Variants in PRKCE observed in about 807,000 individuals in gnomAD.
The protein encoded by PRKCE is protein kinase C epsilon type.
A neutral mutation model predicts 85.4 loss-of-function variants in PRKCE; 16 were observed. The ratio of observed to expected loss-of-function variants is 0.19; its 90% CI spans 0.13 to 0.28. PRKCE has a LOEUF of 0.28. PRKCE is among the 10% of genes least tolerant of loss of function. The pLI, the probability that PRKCE is intolerant of heterozygous loss-of-function variation, is 1.00. For missense variants in PRKCE, 573 were observed against 975.2 expected, an observed-to-expected ratio of 0.59 and a Z score of 5.49; for synonymous variants, 388 against 371.5, an observed-to-expected ratio of 1.04 and a Z score of -0.51.
chr2:45,798,910 A>G (rs867036637), intron 1 of PRKCE, among the ~76,000 whole-genome samples: 5 of 152,152 alleles, frequency 3.3e-5, no homozygotes, highest in South Asian at 2.1e-4. Context: ...GCTCACGCCT[A>G]TAATCCCAGC....
At chr2:45,806,100 A>T (rs1036176044) in intron 1 of PRKCE, among the ~76,000 whole-genome samples, 21 of 152,118 alleles carry the variant, frequency 1.4e-4, no homozygotes, top group African/African-American at 5.1e-4. Flanking sequence ...GTTGCCTGGG[A>T]TATTGGAGGA....
intron 10 of PRKCE, 148 bp downstream of exon 10, chr2:46,010,665 A>G (rs1182843760): frequency 6.3e-7 from 1 of 1,598,904 alleles, no homozygotes; most frequent in Admixed American, 1.7e-5. Context: ...ATGTATTTGA[A>G]CAGCATCTTC....
At chr2:46,172,528 G>A (rs1430622545) in intron 14 of PRKCE, among the ~76,000 whole-genome samples, 2 of 152,242 alleles carry the variant, frequency 1.3e-5, no homozygotes, top group African/African-American at 2.4e-5. Flanking sequence ...GGTTTGAGGA[G>A]CAGGAATAAG....
Position 46,145,062 on chromosome 2 carries a change from A to G in PRKCE, c.1593-31A>G. ...AAGACTATATTGGGGTGAGTGACGT[A>G]TTGACATTATGGTCCTGGCCTATCT... On this transcript the variant is annotated intron_variant, in intron 11 of 14. Transcript: ENST00000306156. This position sits in a 1 kb window ranked among gnomAD's most constrained non-coding sequence, Gnocchi z 4.6. The G allele has an allele frequency of 6.3e-7, 1 of 1,599,512 alleles. No homozygotes were observed. The highest frequency in any genetic ancestry group is 1.1e-5 in the South Asian group (1 of 91,076).
intron 11 of PRKCE, among the ~76,000 whole-genome samples, chr2:46,121,993 A>G (rs1445096552): frequency 1.3e-5 from 2 of 150,640 alleles, no homozygotes; most frequent in African/African-American, 4.9e-5. Flanking sequence ...CTTTTTTCCC[A>G]TTGAGATATA....
intron 1 of PRKCE, among the ~76,000 whole-genome samples, chr2:45,673,736 A>G (rs1676285757): frequency 6.6e-6 from 1 of 152,260 alleles, no homozygotes; most frequent in Non-Finnish European, 1.5e-5. Context: ...TTTGTAGAGT[A>G]TATGAAAATA....
chr2:45,955,406 A>G (rs566366114), intron 2 of PRKCE, among the ~76,000 whole-genome samples: 5 of 152,358 alleles, frequency 3.3e-5, no homozygotes, highest in African/African-American at 1.2e-4. Context: ...GGCCCGTAGC[A>G]TAAAAGTAGA....
intron 2 of PRKCE, among the ~76,000 whole-genome samples, chr2:45,862,650 T>C (rs1352296434): frequency 1.3e-5 from 2 of 152,192 alleles, no homozygotes; most frequent in African/African-American, 4.8e-5. Context: ...AATTGCCAAG[T>C]TACCCTACAG....
chr2:45,738,334 A>G (rs77710684), intron 1 of PRKCE, among the ~76,000 whole-genome samples: 59 of 152,326 alleles, frequency 3.9e-4, no homozygotes, highest in African/African-American at 1.2e-3. Flanking sequence ...ACACCTGTAG[A>G]TAAAGTACAC....
intron 10 of PRKCE, among the ~76,000 whole-genome samples, chr2:46,084,514 G>C (rs1027952655): frequency 6.6e-6 from 1 of 152,052 alleles, no homozygotes; most frequent in Non-Finnish European, 1.5e-5. Flanking sequence ...ACGAGGTCAG[G>C]AGATCAAGAC....
At chr2:45,656,132 C>T (rs1425202707) in intron 1 of PRKCE, among the ~76,000 whole-genome samples, 1 of 152,182 alleles carries the variant, frequency 6.6e-6, no homozygotes, top group Non-Finnish European at 1.5e-5. Flanking sequence ...ACTGCCTGTG[C>T]TTTCATTTAC....
intron 2 of PRKCE, among the ~76,000 whole-genome samples, chr2:45,909,677 G>A (rs35662561): frequency 6.6e-6 from 1 of 152,338 alleles, no homozygotes; most frequent in South Asian, 2.1e-4. Context: ...TCTGTGCTTA[G>A]TTTTCCTGGT....
At chr2:46,161,719 C>A (rs928721404) in intron 14 of PRKCE, among the ~76,000 whole-genome samples, 1 of 152,006 alleles carries the variant, frequency 6.6e-6, no homozygotes, top group African/African-American at 2.4e-5. Flanking sequence ...TAGGGAAGAA[C>A]CTTAATCATA....
chr2:46,074,701 T>G (rs1252085116), intron 10 of PRKCE, among the ~76,000 whole-genome samples: 2 of 152,180 alleles, frequency 1.3e-5, no homozygotes, highest in Admixed American at 1.3e-4. Context: ...GCTGCGTAGG[T>G]TCTGTGTGAG....
chr2:45,874,664 C>T (rs1466158830), intron 2 of PRKCE, among the ~76,000 whole-genome samples: 2 of 152,204 alleles, frequency 1.3e-5, no homozygotes, highest in Non-Finnish European at 2.9e-5. Flanking sequence ...ACAACAGTGC[C>T]ATCTTCATCC....
intron 2 of PRKCE, among the ~76,000 whole-genome samples, chr2:45,855,797 A>C (rs1041452138): frequency 6.6e-6 from 1 of 152,116 alleles, no homozygotes; most frequent in African/African-American, 2.4e-5. Context: ...TTTGGGTAGA[A>C]AGCTTCTCAC....
At chr2:46,039,152 G>A (rs763538888) in intron 10 of PRKCE, among the ~76,000 whole-genome samples, 40 of 152,270 alleles carry the variant, frequency 2.6e-4, no homozygotes, top group Middle Eastern at 3.4e-3. Flanking sequence ...TAAGATAATA[G>A]TAATGAATAG....
intron 10 of PRKCE, among the ~76,000 whole-genome samples, chr2:46,015,595 G>A (rs1161657478): frequency 6.6e-6 from 1 of 150,948 alleles, no homozygotes; most frequent in Non-Finnish European, 1.5e-5. Context: ...AATCATCTGT[G>A]TGAGCACGGG....
chr2:45,709,886 T>A (rs982294360), intron 1 of PRKCE, among the ~76,000 whole-genome samples: 2 of 152,182 alleles, frequency 1.3e-5, no homozygotes, highest in African/African-American at 2.4e-5. Flanking sequence ...CTCAGCTCAC[T>A]GCAACCTCCA....
Sources: allele counts gnomAD v4.1 joint callset (sites outside exome capture counted in the v4.1 genomes callset), GRCh38; gene constraint gnomAD v4.1.1; non-coding constraint Gnocchi (gnomAD v3.1); transcripts MANE v1.5; gene names NCBI Gene and HGNC (gene_info 2026-07-23, HGNC 2026-07-21).